RAD54L2: variants seen among roughly 807,000 people sequenced by gnomAD.
RAD54L2 encodes the protein helicase ARIP4.
Under a neutral mutation model 138.4 loss-of-function variants are expected in RAD54L2, and 27 were observed. The ratio of observed to expected loss-of-function variants is 0.20; its 90% CI spans 0.14 to 0.27. The LOEUF (loss-of-function observed/expected upper bound fraction) is 0.27, where lower values mean the gene tolerates loss of function less well. Among genes scored for constraint, RAD54L2 ranks in the 10% least tolerant of loss-of-function variants. The pLI, the probability that RAD54L2 is intolerant of heterozygous loss-of-function variation, is 1.00. For synonymous variants in RAD54L2, 644 were observed against 723.2 expected (o/e 0.89, Z 1.76); for missense variants, 1,396 against 1,890.2 (o/e 0.74, Z 4.85).
chr3:51,659,707 T>C (rs1026787780), intron 21 of RAD54L2, among the ~76,000 whole-genome samples: 3 of 152,290 alleles, frequency 2.0e-5, no homozygotes, highest in Non-Finnish European at 1.5e-5. Context: ...ATTGAACCCT[T>C]CCTGATATTT....
chr3:51,629,198 A>G, intron 4 of RAD54L2, 136 bp from the exon 5 acceptor site: 5 of 878,828 alleles, frequency 5.7e-6, no homozygotes, highest in Non-Finnish European at 6.9e-6. Flanking sequence ...TTGCATGGGT[A>G]TGGTGGGGCT....
intron 4 of RAD54L2, among the ~76,000 whole-genome samples, chr3:51,628,687 G>A (rs1700753972): frequency 6.6e-6 from 1 of 151,580 alleles, no homozygotes; most frequent in Non-Finnish European, 1.5e-5. Flanking sequence ...ACTGTGCCCG[G>A]CCAATCCTAA....
chr3:51,597,581 A>G (rs1376636399), intron 3 of RAD54L2, among the ~76,000 whole-genome samples: 1 of 152,128 alleles, frequency 6.6e-6, no homozygotes, highest in Non-Finnish European at 1.5e-5. Flanking sequence ...TAACTCCAGC[A>G]CCTTGGGAGG....
rs1168106948 is a variant in RAD54L2, at chr3:51,548,821, CTTT to C, written c.-55+7192_-55+7194del. On this transcript the variant is annotated intron_variant, in intron 2 of 22. Transcript: ENST00000684192. ...CTGTCATAGCAGCCCAGTAACTCTG[CTTT>C]TTTTTTTTTTTTTTTTTTTTGAGAT... is the stretch of plus-strand genomic sequence containing the variant. Among the ~76,000 whole-genome samples the C allele has an allele frequency of 7.1e-3, 715 of 101,256 alleles. 5 individuals carry two copies. The highest frequency in any genetic ancestry group is 0.027 in the African/African-American group (675 of 25,428). The allele number at this position is 101,256 out of a possible 152,430, so 66.4% of individuals were successfully genotyped here.
chr3:51,644,769 C>T (rs1261396771), intron 16 of RAD54L2, among the ~76,000 whole-genome samples: 5 of 152,084 alleles, frequency 3.3e-5, no homozygotes, highest in East Asian at 1.9e-4. Context: ...GGCCAGGATG[C>T]GGGGGCCTTA....
chr3:51,661,467 A>G (rs1701771942), intron 22 of RAD54L2, among the ~76,000 whole-genome samples: 1 of 152,246 alleles, frequency 6.6e-6, no homozygotes, highest in African/African-American at 2.4e-5. Context: ...CATCACTGAC[A>G]GTGCTTTTTC....
chr3:51,641,853 A>G lies in RAD54L2; in HGVS notation c.2336A>G (p.Asn779Ser). The change falls in exon 15 of 23, where the codon AAC becomes AGC. Residue 779 changes from asparagine to serine, a missense_variant. By Grantham distance (46) the Asn-to-Ser change is conservative. Around this residue, in one of 7 missense-constraint regions of RAD54L2, gnomAD observed 211 missense variants for 273.8 expected, o/e 0.77. Coordinates refer to ENST00000684192, the MANE Select transcript of RAD54L2 (RefSeq NM_015106.4). ...EGQGAQKWVR[N>S]ISYFRLDGST... ...CAAGGAGCACAGAAGTGGGTTCGAA[A>G]CATCAGCTACTTCCGTGAGTTCATT... 1 of 1,585,000 alleles carries G rather than the reference A, an allele frequency of 6.3e-7. No homozygotes were observed. The highest frequency in any genetic ancestry group is 8.6e-7 in the Non-Finnish European group (1 of 1,164,634).
chr3:51,555,541 C>T (rs1452432718), intron 2 of RAD54L2, among the ~76,000 whole-genome samples: 1 of 152,172 alleles, frequency 6.6e-6, no homozygotes, highest in Non-Finnish European at 1.5e-5. Context: ...CCTGTAATCC[C>T]AGCTACTTGG....
chr3:51,622,727 C>A (rs927274094), intron 3 of RAD54L2, among the ~76,000 whole-genome samples: 1 of 152,132 alleles, frequency 6.6e-6, no homozygotes, highest in Admixed American at 6.5e-5. Context: ...AGTAGTCTTA[C>A]CCAGGACAGG....
At chr3:51,598,214 C>G (rs1002871087) in intron 3 of RAD54L2, among the ~76,000 whole-genome samples, 1 of 148,498 alleles carries the variant, frequency 6.7e-6, no homozygotes, top group Non-Finnish European at 1.5e-5. Context: ...TTATAACTCC[C>G]ATAGTCTTTG....
chr3:51,598,287 A>G (rs1415017688), intron 3 of RAD54L2, among the ~76,000 whole-genome samples: 1 of 151,706 alleles, frequency 6.6e-6, no homozygotes, highest in South Asian at 2.1e-4. Context: ...AGGAAACAGA[A>G]TCTCTCTGAC....
At chr3:51,571,528 A>G (rs1381469795) in intron 2 of RAD54L2, among the ~76,000 whole-genome samples, 1 of 151,594 alleles carries the variant, frequency 6.6e-6, no homozygotes, top group African/African-American at 2.4e-5. Context: ...AACTGGGACT[A>G]TAGGTGCATC....
chr3:51,603,138 A>G (rs1303417445), intron 3 of RAD54L2, among the ~76,000 whole-genome samples: 12 of 100,772 alleles, frequency 1.2e-4, no homozygotes, highest in Non-Finnish European at 2.4e-4. Flanking sequence ...CCTCATTACT[A>G]CTACAAAAAA....
At chr3:51,551,952 A>C (rs190391788) in intron 2 of RAD54L2, among the ~76,000 whole-genome samples, 1 of 151,526 alleles carries the variant, frequency 6.6e-6, no homozygotes, top group Non-Finnish European at 1.5e-5. Flanking sequence ...GGGTTTCACT[A>C]TGTTGGCCAG....
intron 14 of RAD54L2, among the ~76,000 whole-genome samples, chr3:51,640,908 G>A (rs1261699201): frequency 6.6e-6 from 1 of 152,232 alleles, no homozygotes; most frequent in Non-Finnish European, 1.5e-5. Context: ...CAGTGTGGTG[G>A]TAGTCGTAAG....
At chr3:51,589,683 T>TATAC (rs1553680963) in intron 2 of RAD54L2, among the ~76,000 whole-genome samples, 16,764 of 144,602 alleles carry the variant, frequency 0.12, 1,124 homozygotes, top group Non-Finnish European at 0.17. Context: ...TATATATATA[T>TATAC]ACACACACAC....
intron 3 of RAD54L2, among the ~76,000 whole-genome samples, chr3:51,609,997 G>A (rs1372707334): frequency 1.3e-5 from 2 of 151,678 alleles, no homozygotes; most frequent in Non-Finnish European, 2.9e-5. Flanking sequence ...TTAGCCGGGC[G>A]TGGCGGCAGG....
At chr3:51,590,331 C>T in intron 2 of RAD54L2, 36 bp from the exon 3 acceptor site, 1 of 1,399,980 alleles carries the variant, frequency 7.1e-7, no homozygotes, top group Non-Finnish European at 9.4e-7. Context: ...CTAAGCAAAA[C>T]CCTTGGTGAT....
intron 2 of RAD54L2, among the ~76,000 whole-genome samples, chr3:51,556,931 A>G (rs900921387): frequency 5.3e-5 from 8 of 152,000 alleles, no homozygotes; most frequent in Non-Finnish European, 7.4e-5. Context: ...CTCCTGAGCA[A>G]TATCTCTGAG....
Sources: gnomAD v4.1 joint callset for allele counts (sites outside exome capture counted in the v4.1 genomes callset) on GRCh38, gnomAD v4.1.1 for gene constraint, gnomAD v4.1.1 regional missense constraint, MANE v1.5 for transcripts, NCBI Gene and HGNC (gene_info 2026-07-23, HGNC 2026-07-21) for gene names.